CCDC178: variants seen among roughly 807,000 people sequenced by gnomAD.
CCDC178 encodes coiled-coil domain containing 178.
In CCDC178, 126 loss-of-function variants were observed where a neutral mutation model predicts 117.4. That is an observed-to-expected ratio of 1.07 (90% CI 0.93 to 1.24). The LOEUF (loss-of-function observed/expected upper bound fraction) is 1.24. CCDC178 is among the 50% of genes most tolerant of loss of function. CCDC178 has a pLI of 0.00. For synonymous variants in CCDC178, 283 were observed against 313.4 expected (o/e 0.90, Z 1.02); for missense variants, 1,030 against 986.9 (o/e 1.04, Z -0.59).
chr18:33,010,560 G>C (rs980087767), intron 21 of CCDC178, among the ~76,000 whole-genome samples: 1 of 152,118 alleles, frequency 6.6e-6, no homozygotes, highest in Non-Finnish European at 1.5e-5. Context: ...AGCTGCCTTA[G>C]GTGGCAAATT....
intron 20 of CCDC178, among the ~76,000 whole-genome samples, chr18:33,125,703 G>T (rs73959108): frequency 0.024 from 3,693 of 152,254 alleles, 141 homozygotes; most frequent in African/African-American, 0.082. Flanking sequence ...AGTAAAGAGA[G>T]CAACAGGAAC....
intron 21 of CCDC178, among the ~76,000 whole-genome samples, chr18:33,039,943 T>TA (rs1297172876): frequency 6.6e-6 from 1 of 151,410 alleles, no homozygotes; most frequent in Non-Finnish European, 1.5e-5. Flanking sequence ...TAATAAGACA[T>TA]AACAGAAAAA....
At chr18:33,321,636 G>T (rs1263761704) in intron 11 of CCDC178, among the ~76,000 whole-genome samples, 1 of 151,898 alleles carries the variant, frequency 6.6e-6, no homozygotes, top group Non-Finnish European at 1.5e-5. Context: ...CATTAAGTTT[G>T]CCTGTGGTGG....
intron 4 of CCDC178, among the ~76,000 whole-genome samples, chr18:33,396,476 T>C (rs1038194106): frequency 6.6e-6 from 1 of 152,052 alleles, no homozygotes; most frequent in Admixed American, 6.6e-5. Context: ...ACACAGGATA[T>C]ATGTACAAGG....
At chr18:33,392,609 AG>A (rs1229325758) in intron 4 of CCDC178, among the ~76,000 whole-genome samples, 1 of 152,248 alleles carries the variant, frequency 6.6e-6, no homozygotes, top group East Asian at 1.9e-4. Context: ...AAATTGTAAT[AG>A]AATCAAATTC....
At chr18:33,313,233 T>TA (rs537884156) in intron 11 of CCDC178, among the ~76,000 whole-genome samples, 16 of 152,182 alleles carry the variant, frequency 1.1e-4, no homozygotes, top group African/African-American at 2.4e-4. Flanking sequence ...AATAAACAGG[T>TA]AAAAAAATGG....
chr18:32,989,518 A>G (rs914533996), intron 21 of CCDC178, among the ~76,000 whole-genome samples: 12 of 152,182 alleles, frequency 7.9e-5, no homozygotes, highest in Admixed American at 7.9e-4. Flanking sequence ...TGTGTGCCAA[A>G]CCACCTGTGG....
chr18:33,196,608 GTTTT>G (rs1303594102), intron 20 of CCDC178, among the ~76,000 whole-genome samples: 2 of 152,044 alleles, frequency 1.3e-5, no homozygotes, highest in South Asian at 4.1e-4. Flanking sequence ...TGGCTGTGCA[GTTTT>G]TTTAACTTCT....
chr18:32,943,359 C>T (rs2054280384), intron 22 of CCDC178, among the ~76,000 whole-genome samples: 1 of 152,172 alleles, frequency 6.6e-6, no homozygotes, highest in South Asian at 2.1e-4. Context: ...AATGATCATG[C>T]TCCGTGATCT....
chr18:33,202,953 T>A (rs2059009448), intron 20 of CCDC178, among the ~76,000 whole-genome samples: 1 of 152,226 alleles, frequency 6.6e-6, no homozygotes, highest in African/African-American at 2.4e-5. Context: ...TTATAGGACA[T>A]ATTTTTAATG....
chr18:33,023,569 G>C (rs1228951325), intron 21 of CCDC178, among the ~76,000 whole-genome samples: 6 of 152,096 alleles, frequency 3.9e-5, no homozygotes, highest in African/African-American at 1.4e-4. Flanking sequence ...TACATCTAAG[G>C]CAGTGTGCTG....
chr18:33,265,064 TA>T (rs2144760656), intron 14 of CCDC178, among the ~76,000 whole-genome samples: 1 of 152,264 alleles, frequency 6.6e-6, no homozygotes, highest in South Asian at 2.1e-4. Flanking sequence ...TAAAATGTAG[TA>T]ATATTAACAA....
chr18:33,148,026 G>A (rs2058292344), intron 20 of CCDC178, among the ~76,000 whole-genome samples: 2 of 149,974 alleles, frequency 1.3e-5, no homozygotes, highest in South Asian at 4.2e-4. Context: ...GGGGCGGCTG[G>A]CCGGGCAGAG....
At chr18:33,112,649 T>G (rs894170129) in intron 20 of CCDC178, among the ~76,000 whole-genome samples, 1 of 151,936 alleles carries the variant, frequency 6.6e-6, no homozygotes, top group Non-Finnish European at 1.5e-5. Context: ...AGTTATCTAC[T>G]GCAAGTTTCA....
chr18:33,346,288 C>A lies in CCDC178; in HGVS notation c.581G>T (p.Arg194Ile). 6.2e-7 allele frequency: 1 copy of A among 1,613,896 alleles called. No individual in the cohort carries two copies. Among genetic ancestry groups the A allele is most frequent in the Non-Finnish European group, 8.5e-7 (1 of 1,179,888 alleles). ...AEEALKQQRS[R>I]KNMINMKIDS... is the part of the protein sequence containing the mutation. Reference sequence around the variant, plus strand: ...AATTTTCATGTTAATCATATTCTTTCTTGATCTCTGTTGTTTTAAAGCTTC... The same window carrying A: ...AATTTTCATGTTAATCATATTCTTTATTGATCTCTGTTGTTTTAAAGCTTC... The change falls in exon 9 of 23, where the codon AGA becomes ATA. Residue 194 changes from arginine to isoleucine, a missense_variant. By Grantham distance (97) the Arg-to-Ile change is moderately conservative (BLOSUM62 -3). Transcript: ENST00000383096.
chr18:33,089,429 GATT>G (rs1316254939), intron 21 of CCDC178, among the ~76,000 whole-genome samples: 21 of 151,932 alleles, frequency 1.4e-4, no homozygotes, highest in Admixed American at 1.3e-3. Flanking sequence ...AATTCCCCAG[GATT>G]ATTGAGAGAC....
intron 6 of CCDC178, among the ~76,000 whole-genome samples, chr18:33,359,514 T>G (rs888993640): frequency 6.6e-6 from 1 of 151,660 alleles, no homozygotes; most frequent in African/African-American, 2.4e-5. Context: ...AGAGAAACAT[T>G]TGAAGTCTTA....
chr18:33,042,140 A>T (rs115806164), intron 21 of CCDC178, among the ~76,000 whole-genome samples: 6 of 151,924 alleles, frequency 3.9e-5, no homozygotes, highest in Admixed American at 3.3e-4. Context: ...CATGACACCA[A>T]CTACCAACCT....
intron 21 of CCDC178, among the ~76,000 whole-genome samples, chr18:33,065,462 T>G (rs2056996127): frequency 6.6e-6 from 1 of 152,086 alleles, no homozygotes; most frequent in Non-Finnish European, 1.5e-5. Context: ...ATACTTGAAT[T>G]TTGGGATTTC....
Sources: gnomAD v4.1 joint callset for allele counts (sites outside exome capture counted in the v4.1 genomes callset) on GRCh38, gnomAD v4.1.1 for gene constraint, MANE v1.5 for transcripts, NCBI Gene and HGNC (gene_info 2026-07-23, HGNC 2026-07-21) for gene names.